Variants in MTUS2 observed in about 807,000 individuals in gnomAD.
The protein encoded by MTUS2 is microtubule-associated tumor suppressor candidate 2.
MTUS2 carries 40 observed loss-of-function variants against 114.1 expected under a neutral mutation model. The observed-to-expected ratio is 0.35, with a 90% CI of 0.27 to 0.46. The LOEUF is 0.46. MTUS2 is among the 20% of genes least tolerant of loss of function. The pLI, the probability that MTUS2 is intolerant of heterozygous loss-of-function variation, is 1.00. For synonymous variants in MTUS2, 688 were observed against 672.0 expected, an observed-to-expected ratio of 1.02 and a Z score of -0.37; for missense variants, 1,679 against 1,705.4, an observed-to-expected ratio of 0.98 and a Z score of 0.27.
chr13:29,115,783 T>C (rs1891062544), intron 5 of MTUS2, among the ~76,000 whole-genome samples: 1 of 152,234 alleles, frequency 6.6e-6, no homozygotes, highest in Non-Finnish European at 1.5e-5. Flanking sequence ...GTAGGCAAGC[T>C]AATTAATTTA....
chr13:29,024,861 G>A lies in MTUS2; in HGVS notation c.163G>A (p.Asp55Asn). ...CTCTCATGACGAGTCCAAGACATGT[G>A]ACCTGGGAGATGAAATTGGAAATAC... Reference protein sequence around the residue: ...SSSHDESKTCDLGDEIGNTNS... With the variant: ...SSSHDESKTCNLGDEIGNTNS... The change falls in exon 3 of 16, where the codon GAC (aspartate) becomes AAC (asparagine). Residue 55 changes from aspartate to asparagine, a missense_variant. Physicochemically the swap from Asp to Asn is conservative, Grantham distance 23 (BLOSUM62 1). Around this residue, in one of 3 missense-constraint regions of MTUS2, gnomAD observed 843 missense variants for 770.8 expected, o/e 1.09. Transcript: ENST00000612955. The A allele has an allele frequency of 6.2e-7, 1 of 1,613,998 alleles. No individual in the cohort carries two copies. The highest frequency in any genetic ancestry group is 8.5e-7 in the Non-Finnish European group (1 of 1,179,882).
rs1886550641 is a variant in MTUS2, at chr13:29,026,409, G to C, written c.1711G>C (p.Val571Leu). The change falls in exon 3 of 16, where the codon GTT becomes CTT. Residue 571 changes from valine (V) to leucine (L), a missense_variant. Physicochemically the swap from Val to Leu is conservative, Grantham distance 32. Around this residue, in one of 3 missense-constraint regions of MTUS2, gnomAD observed 843 missense variants for 770.8 expected, o/e 1.09. Coordinates refer to ENST00000612955, the MANE Select transcript of MTUS2 (RefSeq NM_001033602.4). ...TATGGATGCGGGGTCCCCCTTGGTA[G>C]TTCCACCCCCTACTGATAGTGCACG... ...FGMDAGSPLV[V>L]PPPTDSARLL... 1 of 1,613,734 alleles carries C rather than the reference G, an allele frequency of 6.2e-7. No homozygotes were observed. The highest frequency in any genetic ancestry group is 1.3e-5 in the African/African-American group (1 of 74,872).
chr13:29,026,254 T>G lies in MTUS2; in HGVS notation c.1556T>G (p.Ile519Ser). The change falls in exon 3 of 16, where the codon ATT becomes AGT. Residue 519 changes from isoleucine to serine, a missense_variant. By Grantham distance (142) the Ile-to-Ser change is moderately radical (BLOSUM62 -2). Around this residue, in one of 3 missense-constraint regions of MTUS2, gnomAD observed 843 missense variants for 770.8 expected, o/e 1.09. Transcript: ENST00000612955. ...NRNLLENADK[I>S]ESTSARADSV... ...AACCTTCTAGAGAATGCAGATAAGATTGAAAGCACCTCAGCAAGAGCAGAT... is the reference window on the plus strand; with the variant it reads ...AACCTTCTAGAGAATGCAGATAAGAGTGAAAGCACCTCAGCAAGAGCAGAT... 1 of 1,613,904 alleles carries G rather than the reference T, an allele frequency of 6.2e-7. No individual in the cohort carries two copies. The highest frequency in any genetic ancestry group is 1.1e-5 in the South Asian group (1 of 91,070).
intron 5 of MTUS2, among the ~76,000 whole-genome samples, chr13:29,236,756 C>T (rs1002205945): frequency 1.3e-5 from 2 of 152,212 alleles, no homozygotes; most frequent in African/African-American, 4.8e-5. Flanking sequence ...TGAGATGCTC[C>T]TGCCTTCTTC....
intron 7 of MTUS2, among the ~76,000 whole-genome samples, chr13:29,331,813 T>A (rs1022860517): frequency 6.6e-6 from 1 of 152,196 alleles, no homozygotes. Flanking sequence ...TTTATTGAGA[T>A]AATCATGTGG....
At chr13:29,069,192 A>G (rs1593442527) in intron 4 of MTUS2, among the ~76,000 whole-genome samples, 1 of 152,212 alleles carries the variant, frequency 6.6e-6, no homozygotes, top group African/African-American at 2.4e-5. Context: ...ATATTGGCCT[A>G]TATGGTTATG....
At chr13:29,290,382 T>C (rs1488681875) in intron 6 of MTUS2, among the ~76,000 whole-genome samples, 4 of 152,080 alleles carry the variant, frequency 2.6e-5, no homozygotes, top group African/African-American at 9.7e-5. Flanking sequence ...CAGGCTGGAG[T>C]GCAGTGGCGC....
chr13:28,868,310 TG>T (rs1225113775), intron 2 of MTUS2, among the ~76,000 whole-genome samples: 1 of 152,206 alleles, frequency 6.6e-6, no homozygotes, highest in African/African-American at 2.4e-5. Flanking sequence ...ATTTCTGCAG[TG>T]GTTTAGCTCT....
In MTUS2 at chr13:29,024,459, C is replaced by T. The variant is rs187000448; in HGVS notation, c.-240C>T. 1.2e-3 allele frequency: 652 copies of T among 530,118 alleles called. No homozygotes were observed. The highest frequency in any genetic ancestry group is 1.9e-3 in the Non-Finnish European group (576 of 303,802). The allele number at this position is 530,118 out of a possible 1,614,324, so 32.8% of individuals were successfully genotyped here. A position where few individuals can be genotyped will look rare whatever the true frequency, so the allele number is the denominator to read the frequency against. On this transcript the variant is annotated splice_region_variant and 5_prime_UTR_variant, in exon 3 of 16. Coordinates refer to ENST00000612955, the MANE Select transcript of MTUS2 (RefSeq NM_001033602.4). ...AATATATTTTTATTTCTCTCTAGGTCTCATGGACTGATTGGCTCTCATTCA... is the reference window on the plus strand; with the variant it reads ...AATATATTTTTATTTCTCTCTAGGTTTCATGGACTGATTGGCTCTCATTCA...
intron 2 of MTUS2, among the ~76,000 whole-genome samples, chr13:29,023,494 G>A (rs894117095): frequency 7.2e-5 from 11 of 151,956 alleles, no homozygotes; most frequent in Non-Finnish European, 1.5e-4. Flanking sequence ...TTTCTTGGTC[G>A]AATCATTTGA....
chr13:29,197,755 A>G (rs1009168732), intron 5 of MTUS2, among the ~76,000 whole-genome samples: 3 of 152,054 alleles, frequency 2.0e-5, no homozygotes, highest in South Asian at 2.1e-4. Context: ...TGCCATTCCA[A>G]CTGGCGTGAG....
Position 29,222,526 on chromosome 13 carries a change from CTT to C in MTUS2, c.2645-59176_2645-59175del, listed in dbSNP as rs962739141. ...TCTTTTTCAAGTGAATATGCTATATCTTTGTGATGGAGGTGGTGGCCTGTCTG... is the reference window on the plus strand; with the variant it reads ...TCTTTTTCAAGTGAATATGCTATATCTGTGATGGAGGTGGTGGCCTGTCTG... On this transcript the variant is annotated intron_variant, in intron 5 of 15. Transcript: ENST00000612955. 3.8e-4 allele frequency among the ~76,000 whole-genome samples: 58 copies of C among 152,200 alleles called. 1 individual carries two copies. Among genetic ancestry groups the C allele is most frequent in the Admixed American group, 2.0e-4 (3 of 15,282 alleles).
At position 29,026,492 on chromosome 13, in the gene MTUS2, C is replaced by T; in HGVS notation, c.1794C>T (p.Pro598=). The T allele has an allele frequency of 6.2e-7, 1 of 1,613,976 alleles. No homozygotes were observed. Among genetic ancestry groups the T allele is most frequent in the South Asian group, 1.1e-5 (1 of 91,066 alleles). Residue 598 remains proline (P), a synonymous_variant, in exon 3 of 16, where the codon CCC becomes CCT. Transcript: ENST00000612955. ...AGAACACTTGCCCCAGTGGGATCCC[C>T]AAGCCTGTCTTCACACATTCCAAGG... is the stretch of plus-strand genomic sequence containing the variant. ...PDKNTCPSGI[P]KPVFTHSKDT...
rs113748714 is a variant in MTUS2 at position 29,391,329 on chromosome 13, A to G, written c.3117+31856A>G. Among the ~76,000 whole-genome samples, 931 of 152,226 alleles carry G rather than the reference A, an allele frequency of 6.1e-3. 7 individuals are homozygous for G. The highest frequency in any genetic ancestry group is 0.021 in the African/African-American group (886 of 41,502). On this transcript the variant is annotated intron_variant, in intron 8 of 15. Transcript: ENST00000612955. ...GGACACCAGATTACTTCTGAGAACTATCTGAGGGGCTGTTTATATTTACAG... is the reference window on the plus strand; with the variant it reads ...GGACACCAGATTACTTCTGAGAACTGTCTGAGGGGCTGTTTATATTTACAG...
intron 8 of MTUS2, among the ~76,000 whole-genome samples, chr13:29,379,121 C>T (rs922252600): frequency 1.2e-4 from 19 of 152,174 alleles, no homozygotes; most frequent in Admixed American, 9.8e-4. Flanking sequence ...CCCAGCCCTG[C>T]GGAACTGTAA....
intron 2 of MTUS2, among the ~76,000 whole-genome samples, chr13:28,966,559 A>C (rs1229808959): frequency 6.6e-6 from 1 of 151,852 alleles, no homozygotes; most frequent in Non-Finnish European, 1.5e-5. Flanking sequence ...CCTTTTCTAC[A>C]AAAAATTAAA....
At chr13:29,478,090 C>A (rs1880841035) in intron 9 of MTUS2, among the ~76,000 whole-genome samples, 2 of 152,184 alleles carry the variant, frequency 1.3e-5, no homozygotes, top group Non-Finnish European at 2.9e-5. Context: ...GGCCAGTTAT[C>A]TTTAAAATAG....
chr13:29,296,913 G>A (rs1160587318), intron 6 of MTUS2, among the ~76,000 whole-genome samples: 1 of 151,982 alleles, frequency 6.6e-6, no homozygotes, highest in Non-Finnish European at 1.5e-5. Context: ...TCAGCCTGTT[G>A]ATTGTCCCAT....
chr13:29,396,455 A>T (rs1254820962), intron 8 of MTUS2, among the ~76,000 whole-genome samples: 1 of 152,248 alleles, frequency 6.6e-6, no homozygotes, highest in Non-Finnish European at 1.5e-5. Flanking sequence ...AGAATGATTT[A>T]TAACATACGT....
Sources: gnomAD v4.1 joint callset for allele counts (sites outside exome capture counted in the v4.1 genomes callset) on GRCh38, gnomAD v4.1.1 for gene constraint, gnomAD v4.1.1 regional missense constraint, MANE v1.5 for transcripts, NCBI Gene and HGNC (gene_info 2026-07-23, HGNC 2026-07-21) for gene names.